Variants in PTPRD observed in about 807,000 individuals in gnomAD.
PTPRD encodes receptor-type tyrosine-protein phosphatase delta.
In PTPRD, 34 loss-of-function variants were observed where a neutral mutation model predicts 214.5. That is an observed-to-expected ratio of 0.16 (90% CI 0.12 to 0.21). The LOEUF (loss-of-function observed/expected upper bound fraction) is 0.21. Ranked by LOEUF, PTPRD falls within the 10% of genes least tolerant of loss-of-function variation. The pLI, the probability that PTPRD is intolerant of heterozygous loss-of-function variation, is 1.00. For synonymous variants in PTPRD, 1,128 were observed against 845.7 expected (o/e 1.33, Z -5.79); for missense variants, 2,545 against 2,398.7 (o/e 1.06, Z -1.27).
intron 3 of PTPRD, among the ~76,000 whole-genome samples, chr9:10,110,224 T>C (rs928131790): frequency 6.6e-6 from 1 of 152,154 alleles, no homozygotes; most frequent in African/African-American, 2.4e-5. Context: ...TAAATCAAAT[T>C]ATGAAGTAGC....
chr9:9,402,314 A>C (rs1263510024), intron 8 of PTPRD, among the ~76,000 whole-genome samples: 1 of 152,140 alleles, frequency 6.6e-6, no homozygotes, highest in Admixed American at 6.5e-5. Flanking sequence ...TCAATCTTAA[A>C]GAAGAGCCTT....
chr9:9,824,631 CTG>C (rs2052041635), intron 5 of PTPRD, among the ~76,000 whole-genome samples: 1 of 151,918 alleles, frequency 6.6e-6, no homozygotes, highest in South Asian at 2.1e-4. Flanking sequence ...AAGAAAACAA[CTG>C]GAACATATTT....
At chr9:8,590,315 T>C (rs1046299599) in intron 14 of PTPRD, among the ~76,000 whole-genome samples, 2 of 152,090 alleles carry the variant, frequency 1.3e-5, no homozygotes, top group African/African-American at 2.4e-5. Flanking sequence ...AGAATAATAA[T>C]GACTTGTTCT....
intron 11 of PTPRD, among the ~76,000 whole-genome samples, chr9:8,785,341 C>G (rs1253396891): frequency 6.6e-6 from 1 of 152,208 alleles, no homozygotes. Context: ...TGGTTTTAAT[C>G]TGGCTGGAGT....
chr9:8,925,819 T>G (rs1382719179), intron 11 of PTPRD, among the ~76,000 whole-genome samples: 1 of 151,264 alleles, frequency 6.6e-6, no homozygotes, highest in East Asian at 1.9e-4. Context: ...GAGAACTTAA[T>G]TCAACGCCTC....
At chr9:9,955,745 G>A (rs966290117) in intron 4 of PTPRD, among the ~76,000 whole-genome samples, 2 of 152,054 alleles carry the variant, frequency 1.3e-5, no homozygotes, top group Non-Finnish European at 2.9e-5. Flanking sequence ...GGATGGTCTC[G>A]ATCTCCTGAC....
At chr9:8,733,444 A>G (rs889847247) in intron 12 of PTPRD, among the ~76,000 whole-genome samples, 6 of 152,172 alleles carry the variant, frequency 3.9e-5, no homozygotes, top group Non-Finnish European at 8.8e-5. Context: ...AACAATGTTT[A>G]CTTATTGGCA....
intron 9 of PTPRD, among the ~76,000 whole-genome samples, chr9:9,218,298 C>T (rs1268234058): frequency 1.3e-5 from 2 of 152,076 alleles, no homozygotes; most frequent in Non-Finnish European, 2.9e-5. Context: ...ATTAGATAGG[C>T]CTTGAATGTT....
At chr9:10,325,500 T>C (rs9987808) in intron 3 of PTPRD, among the ~76,000 whole-genome samples, 47,835 of 151,670 alleles carry the variant, frequency 0.32, 8,833 homozygotes, top group African/African-American at 0.51. Flanking sequence ...TTTACTCTCT[T>C]AATTACAAGG....
chr9:9,121,719 G>A (rs891561254), intron 10 of PTPRD, among the ~76,000 whole-genome samples: 2 of 152,130 alleles, frequency 1.3e-5, no homozygotes, highest in Non-Finnish European at 2.9e-5. Flanking sequence ...ATATGGTGCA[G>A]TGTATACTGC....
intron 35 of PTPRD, among the ~76,000 whole-genome samples, chr9:8,408,329 G>C (rs2093213255): frequency 6.6e-6 from 1 of 151,926 alleles, no homozygotes; most frequent in Admixed American, 6.6e-5. Context: ...TCCTTCTTTT[G>C]GGTCTGCTGC....
chr9:8,795,333 T>A (rs955604312), intron 11 of PTPRD, among the ~76,000 whole-genome samples: 4 of 151,924 alleles, frequency 2.6e-5, no homozygotes, highest in African/African-American at 9.7e-5. Context: ...CCAGATAATT[T>A]TTTTCTATTT....
At chr9:10,438,179 G>C (rs2098734869) in intron 2 of PTPRD, among the ~76,000 whole-genome samples, 1 of 150,874 alleles carries the variant, frequency 6.6e-6, no homozygotes, top group Non-Finnish European at 1.5e-5. Flanking sequence ...TTTCCTTTTT[G>C]GTTCAGTTTT....
intron 11 of PTPRD, among the ~76,000 whole-genome samples, chr9:8,984,620 G>A (rs572496181): frequency 1.3e-3 from 204 of 152,160 alleles, no homozygotes; most frequent in Non-Finnish European, 2.2e-3. Flanking sequence ...GGCACATTAG[G>A]CTAATTCCAG....
At chr9:8,982,845 A>G (rs1388292596) in intron 11 of PTPRD, among the ~76,000 whole-genome samples, 1 of 151,890 alleles carries the variant, frequency 6.6e-6, no homozygotes. Flanking sequence ...CTCCTTTTTG[A>G]GACTATTCAC....
intron 12 of PTPRD, among the ~76,000 whole-genome samples, chr9:8,663,279 T>C (rs1403163240): frequency 2.7e-5 from 4 of 146,338 alleles, no homozygotes; most frequent in African/African-American, 1.1e-4. Context: ...ATTGAGATAA[T>C]TGGCTTTTTT....
intron 11 of PTPRD, among the ~76,000 whole-genome samples, chr9:8,744,401 T>G (rs1275133284): frequency 6.6e-6 from 1 of 152,196 alleles, no homozygotes; most frequent in African/African-American, 2.4e-5. Context: ...CCAGCCCAAA[T>G]GCCCATCAAT....
At chr9:10,336,614 A>G (rs1422989157) in intron 3 of PTPRD, among the ~76,000 whole-genome samples, 7 of 151,874 alleles carry the variant, frequency 4.6e-5, no homozygotes, top group Non-Finnish European at 1.0e-4. Flanking sequence ...CCAGTAGCCA[A>G]GAATATTAGG....
intron 5 of PTPRD, among the ~76,000 whole-genome samples, chr9:9,790,973 T>G (rs1015164906): frequency 6.6e-6 from 1 of 152,188 alleles, no homozygotes; most frequent in Non-Finnish European, 1.5e-5. Context: ...GATGGTTCAG[T>G]ACATATCATA....
Sources: gnomAD v4.1 joint callset for allele counts (sites outside exome capture counted in the v4.1 genomes callset) on GRCh38, gnomAD v4.1.1 for gene constraint, MANE v1.5 for transcripts, NCBI Gene and HGNC (gene_info 2026-07-23, HGNC 2026-07-21) for gene names.